The following FAM193B variants were observed in gnomAD, a reference collection of about 807,000 sequenced individuals.
FAM193B encodes family with sequence similarity 193 member B, also known as protein FAM193B.
Under a neutral mutation model 70.7 loss-of-function variants are expected in FAM193B, and 27 were observed. The observed-to-expected ratio is 0.38, with a 90% CI of 0.28 to 0.53. The LOEUF is 0.53. Among genes scored for constraint, FAM193B ranks in the 20% least tolerant of loss-of-function variants. FAM193B has a pLI of 0.81. For synonymous variants in FAM193B, 448 were observed against 436.0 expected, an observed-to-expected ratio of 1.03 and a Z score of -0.34; for missense variants, 1,022 against 1,072.5, an observed-to-expected ratio of 0.95 and a Z score of 0.66.
intron 4 of FAM193B, among the ~76,000 whole-genome samples, chr5:177,533,260 A>G (rs748645560): frequency 2.6e-4 from 40 of 151,738 alleles, no homozygotes; most frequent in Non-Finnish European, 4.4e-4. Context: ...GACTTCTGGG[A>G]CACCAACTAT....
intron 7 of FAM193B, among the ~76,000 whole-genome samples, chr5:177,523,487 A>C (rs201614387): frequency 6.6e-6 from 1 of 152,016 alleles, no homozygotes; most frequent in Non-Finnish European, 1.5e-5. Context: ...TATCTGGCCA[A>C]CTCATTCTTA....
intron 7 of FAM193B, chr5:177,523,248 C>A: frequency 2.7e-6 from 1 of 367,918 alleles, no homozygotes; most frequent in Non-Finnish European, 5.8e-6. Flanking sequence ...GATCCACCCG[C>A]CTCGGCCTCC....
intron 1 of FAM193B, among the ~76,000 whole-genome samples, chr5:177,548,960 GTTCC>G (rs1295295970): frequency 3.3e-5 from 5 of 151,814 alleles, no homozygotes; most frequent in African/African-American, 1.2e-4. Flanking sequence ...CTTTGTACAA[GTTCC>G]TTCCTTTGTT....
intron 1 of FAM193B, among the ~76,000 whole-genome samples, chr5:177,539,768 C>T (rs563316408): frequency 6.6e-6 from 1 of 152,352 alleles, no homozygotes; most frequent in East Asian, 1.9e-4. Context: ...ATGGTGAAAA[C>T]AGTCTGGGCT....
At chr5:177,534,604 C>CA (rs1328459516) in intron 4 of FAM193B, among the ~76,000 whole-genome samples, 2 of 151,884 alleles carry the variant, frequency 1.3e-5, no homozygotes, top group Non-Finnish European at 2.9e-5. Context: ...GCCTGGCCAG[C>CA]AAAATTGATT....
intron 1 of FAM193B, among the ~76,000 whole-genome samples, chr5:177,546,493 A>C (rs1765440442): frequency 6.6e-6 from 1 of 152,258 alleles, no homozygotes; most frequent in African/African-American, 2.4e-5. Context: ...TTCAACACAA[A>C]GGCAGAATTT....
intron 8 of FAM193B, among the ~76,000 whole-genome samples, chr5:177,521,059 T>G (rs1465049952): frequency 6.6e-6 from 1 of 152,006 alleles, no homozygotes; most frequent in Non-Finnish European, 1.5e-5. Context: ...GAAAGACAGG[T>G]GGGGCCATCA....
chr5:177,543,406 C>T (rs955032322), intron 1 of FAM193B, among the ~76,000 whole-genome samples: 1 of 152,186 alleles, frequency 6.6e-6, no homozygotes, highest in Admixed American at 6.5e-5. Context: ...TTATCTAAGC[C>T]CCTTGGCTGT....
At chr5:177,534,327 CT>C (rs1763912852) in intron 4 of FAM193B, among the ~76,000 whole-genome samples, 1 of 140,556 alleles carries the variant, frequency 7.1e-6, no homozygotes, top group Non-Finnish European at 1.5e-5. Context: ...GAGTCTCGCT[CT>C]GTTGCCCAAG....
intron 1 of FAM193B, among the ~76,000 whole-genome samples, chr5:177,549,544 C>T (rs1021465894): frequency 1.3e-5 from 2 of 152,218 alleles, no homozygotes; most frequent in African/African-American, 4.8e-5. Flanking sequence ...GAAACACTTG[C>T]AAAGGCCACT....
intron 1 of FAM193B, among the ~76,000 whole-genome samples, chr5:177,548,355 C>G (rs1311312475): frequency 6.6e-6 from 1 of 152,098 alleles, no homozygotes; most frequent in Non-Finnish European, 1.5e-5. Context: ...AGAGTAGGCA[C>G]AGGTAAGTGT....
intron 1 of FAM193B, among the ~76,000 whole-genome samples, chr5:177,540,600 C>T (rs906846955): frequency 6.6e-6 from 1 of 152,130 alleles, no homozygotes; most frequent in African/African-American, 2.4e-5. Context: ...GGCCTGAGAG[C>T]GAGACCAGGC....
At chr5:177,544,020 C>T (rs1478343193) in intron 1 of FAM193B, among the ~76,000 whole-genome samples, 1 of 152,262 alleles carries the variant, frequency 6.6e-6, no homozygotes, top group Non-Finnish European at 1.5e-5. Flanking sequence ...TTCAGAGCCT[C>T]TGAGGATGCA....
intron 5 of FAM193B, among the ~76,000 whole-genome samples, chr5:177,525,687 C>T (rs568895261): frequency 9.8e-5 from 15 of 152,322 alleles, no homozygotes; most frequent in African/African-American, 2.9e-4. Context: ...CCAAAGAGGG[C>T]GGTGTTCCCG....
chr5:177,546,463 T>C (rs944913959), intron 1 of FAM193B, among the ~76,000 whole-genome samples: 2 of 152,220 alleles, frequency 1.3e-5, no homozygotes, highest in Non-Finnish European at 2.9e-5. Context: ...TTAAAGCCCA[T>C]CTGGCTCATG....
intron 1 of FAM193B, chr5:177,553,901 G>A: frequency 1.6e-6 from 2 of 1,227,544 alleles, no homozygotes; most frequent in South Asian, 1.5e-5. Flanking sequence ...GAGGGAGCAG[G>A]TGGGCCCGGG....
intron 1 of FAM193B, among the ~76,000 whole-genome samples, chr5:177,544,183 T>C (rs142326324): frequency 3.3e-5 from 5 of 152,344 alleles, no homozygotes; most frequent in African/African-American, 7.2e-5. Context: ...GGATCCATGC[T>C]GTAGCATGCA....
In FAM193B at chr5:177,553,876, A is replaced by G. The variant is rs572207806; in HGVS notation, c.210+373T>C. 4.4e-3 allele frequency: 5,448 copies of G among 1,249,686 alleles called. 34 individuals carry two copies. The highest frequency in any genetic ancestry group is 0.012 in the Middle Eastern group (34 of 2,924). 77.4% of individuals were successfully genotyped at this position (1,249,686 alleles called of 1,614,324 possible). A position where few individuals can be genotyped will look rare whatever the true frequency, so the allele number is the denominator to read the frequency against. ...GCAGTCGTCCAGTCCCAGAGCCCCGAGATGGCCTGTGGCTGAGGGAGCAGG... is the reference window on the plus strand; with the variant it reads ...GCAGTCGTCCAGTCCCAGAGCCCCGGGATGGCCTGTGGCTGAGGGAGCAGG... On this transcript the variant is annotated intron_variant, in intron 1 of 8. Coordinates refer to ENST00000514747, the MANE Select transcript of FAM193B (RefSeq NM_001190946.3).
intron 5 of FAM193B, chr5:177,531,980 C>A (rs1763531846): frequency 7.8e-7 from 1 of 1,289,134 alleles, no homozygotes; most frequent in Admixed American, 2.3e-5. Flanking sequence ...CTGCTTCCTC[C>A]CCCTGGCCAG....
Sources: allele counts gnomAD v4.1 joint callset (sites outside exome capture counted in the v4.1 genomes callset), GRCh38; gene constraint gnomAD v4.1.1; transcripts MANE v1.5; gene names NCBI Gene and HGNC (gene_info 2026-07-23, HGNC 2026-07-21).